Variants in TXNRD1 observed in about 807,000 individuals in gnomAD.
TXNRD1 encodes the protein thioredoxin reductase 1.
Under a neutral mutation model 80.3 loss-of-function variants are expected in TXNRD1, and 57 were observed. The ratio of observed to expected loss-of-function variants is 0.71; its 90% CI spans 0.57 to 0.89. TXNRD1 has a LOEUF of 0.89. Among genes scored for constraint, TXNRD1 ranks in the 40% least tolerant of loss-of-function variants. TXNRD1 has a pLI of 0.00. For synonymous variants in TXNRD1, 291 were observed against 285.2 expected, an observed-to-expected ratio of 1.02 and a Z score of -0.20; for missense variants, 730 against 803.0, an observed-to-expected ratio of 0.91 and a Z score of 1.10.
chr12:104,267,255 C>CTTTCTTTCTTTCTTTCTTTCTTTT (rs2033520493), intron 3 of TXNRD1, among the ~76,000 whole-genome samples: 2 of 132,022 alleles, frequency 1.5e-5, no homozygotes, highest in African/African-American at 5.9e-5. Context: ...TTCTTTCTTT[C>CTTTCTTTCTTTCTTTCTTTCTTTT]TTTCTTTCTT....
intron 10 of TXNRD1, among the ~76,000 whole-genome samples, chr12:104,322,855 G>C (rs1365283027): frequency 6.8e-6 from 1 of 147,592 alleles, no homozygotes; most frequent in Non-Finnish European, 1.5e-5. Context: ...TCACAGAGGG[G>C]GATTTGGCAG....
chr12:104,304,470 G>A (rs769543323), intron 4 of TXNRD1: 1 of 1,613,978 alleles, frequency 6.2e-7, no homozygotes, highest in Middle Eastern at 1.6e-4. Flanking sequence ...AAGCTAGAAC[G>A]TTCTGCACCA....
At chr12:104,292,329 G>T (rs975196242) in intron 4 of TXNRD1, among the ~76,000 whole-genome samples, 8 of 152,038 alleles carry the variant, frequency 5.3e-5, no homozygotes, top group Admixed American at 5.2e-4. Flanking sequence ...TGCATGCCCA[G>T]GCTTTACCCG....
chr12:104,270,540 C>T (rs1428989498), intron 3 of TXNRD1, among the ~76,000 whole-genome samples: 1 of 152,118 alleles, frequency 6.6e-6, no homozygotes, highest in Non-Finnish European at 1.5e-5. Context: ...TTTGTTGTTC[C>T]ATTTCTAAAG....
chr12:104,337,742 C>G (rs981314987), intron 15 of TXNRD1, among the ~76,000 whole-genome samples: 1 of 151,852 alleles, frequency 6.6e-6, no homozygotes, highest in African/African-American at 2.4e-5. Context: ...TGGTCTTGCA[C>G]TATTTATCCT....
At chr12:104,339,899 A>C (rs994171464) in intron 16 of TXNRD1, among the ~76,000 whole-genome samples, 2 of 152,244 alleles carry the variant, frequency 1.3e-5, no homozygotes, top group African/African-American at 4.8e-5. Flanking sequence ...TGCAGTGATT[A>C]TCTGTTGTAG....
chr12:104,304,083 G>A (rs1295501844), intron 4 of TXNRD1: 1 of 1,613,980 alleles, frequency 6.2e-7, no homozygotes, highest in Non-Finnish European at 8.5e-7. Flanking sequence ...CTCATGTACT[G>A]CGTGCGGCAG....
chr12:104,219,701 A>G (rs1403361683), intron 1 of TXNRD1, among the ~76,000 whole-genome samples: 2 of 152,180 alleles, frequency 1.3e-5, no homozygotes, highest in Admixed American at 6.5e-5. Context: ...TGTTTTGTTC[A>G]CTATCTTATC....
intron 4 of TXNRD1, among the ~76,000 whole-genome samples, chr12:104,292,937 A>G (rs1248517288): frequency 1.3e-5 from 2 of 152,228 alleles, no homozygotes; most frequent in African/African-American, 4.8e-5. Context: ...TTAACAATGA[A>G]TAGAAAAATA....
In TXNRD1 at chr12:104,304,469, C is replaced by T. The variant is rs923195110; in HGVS notation, c.415-6821C>T. On this transcript the variant is annotated intron_variant, in intron 4 of 16. Coordinates refer to ENST00000525566, the MANE Select transcript of TXNRD1 (RefSeq NM_001093771.3). ...TGTTTTTGGTTCATTCAAGCTAGAA[C>T]GTTCTGCACCAAAGCCCCGACTTGA... 1.4e-5 allele frequency: 22 copies of T among 1,613,832 alleles called. No individual in the cohort carries two copies. The African/African-American group carries it at 1.9e-4, about 14-fold the overall frequency.
At chr12:104,288,527 A>G (rs1043332293) in intron 3 of TXNRD1, among the ~76,000 whole-genome samples, 1 of 152,228 alleles carries the variant, frequency 6.6e-6, no homozygotes, top group East Asian at 1.9e-4. Flanking sequence ...GCAGAGTTGA[A>G]AGCAAGATCA....
chr12:104,310,667 G>T (rs1348224591), intron 4 of TXNRD1, among the ~76,000 whole-genome samples: 2 of 152,150 alleles, frequency 1.3e-5, no homozygotes, highest in Non-Finnish European at 2.9e-5. Context: ...AATTATAAAA[G>T]TCTGTTACTT....
chr12:104,281,103 C>T (rs2033866745), intron 3 of TXNRD1, among the ~76,000 whole-genome samples: 1 of 152,060 alleles, frequency 6.6e-6, no homozygotes, highest in African/African-American at 2.4e-5. Context: ...TGGATTTGTC[C>T]CAAACTATTG....
chr12:104,314,887 A>G (rs2035270101), intron 6 of TXNRD1, among the ~76,000 whole-genome samples: 1 of 151,886 alleles, frequency 6.6e-6, no homozygotes, highest in Non-Finnish European at 1.5e-5. Flanking sequence ...GATTACAGAC[A>G]CGTACCACCA....
chr12:104,271,082 G>A (rs1482425317), intron 3 of TXNRD1, among the ~76,000 whole-genome samples: 2 of 152,142 alleles, frequency 1.3e-5, no homozygotes, highest in East Asian at 3.8e-4. Flanking sequence ...CACCAAACAG[G>A]CTTTGTGTGA....
At chr12:104,287,184 G>A in intron 3 of TXNRD1, 1 of 1,576,538 alleles carries the variant, frequency 6.3e-7, no homozygotes, top group Middle Eastern at 2.3e-4. Flanking sequence ...CGGCCTGCCG[G>A]CGGGGACGAC....
chr12:104,264,610 C>CT (rs2033436424), intron 3 of TXNRD1, among the ~76,000 whole-genome samples: 1 of 151,998 alleles, frequency 6.6e-6, no homozygotes, highest in Admixed American at 6.6e-5. Context: ...TATTTTATGT[C>CT]TTTTTTGTAA....
chr12:104,335,088 C>T lies in TXNRD1; in HGVS notation c.1746+756C>T, dbSNP rs2036088176. Among the ~76,000 whole-genome samples, 3 of 152,110 alleles carry T rather than the reference C, an allele frequency of 2.0e-5. No homozygotes were observed. In the South Asian group the frequency reaches 6.2e-4, roughly 32 times the overall value. On this transcript the variant is annotated intron_variant, in intron 15 of 16. Coordinates refer to ENST00000525566, the MANE Select transcript of TXNRD1 (RefSeq NM_001093771.3). Reference sequence around the variant, plus strand: ...TAGTCTGGTGTTATTACGTGTAAATCTAATGTATTTTAAGTGCTTTTTAGT... The same window carrying T: ...TAGTCTGGTGTTATTACGTGTAAATTTAATGTATTTTAAGTGCTTTTTAGT...
intron 4 of TXNRD1, among the ~76,000 whole-genome samples, chr12:104,295,874 C>G (rs1456459368): frequency 1.3e-5 from 2 of 152,136 alleles, no homozygotes; most frequent in South Asian, 2.1e-4. Context: ...TATGTTAGAG[C>G]CCAGCAGATA....
Sources: allele counts gnomAD v4.1 joint callset (sites outside exome capture counted in the v4.1 genomes callset), GRCh38; gene constraint gnomAD v4.1.1; transcripts MANE v1.5; gene names NCBI Gene and HGNC (gene_info 2026-07-23, HGNC 2026-07-21).